NKAIN3: variants seen among roughly 807,000 people sequenced by gnomAD.
NKAIN3 encodes sodium/potassium-transporting ATPase subunit beta-1-interacting protein 3.
NKAIN3 carries 25 observed loss-of-function variants against 30.2 expected under a neutral mutation model. That is an observed-to-expected ratio of 0.83 (90% CI 0.60 to 1.16). NKAIN3 has a LOEUF of 1.16. Ranked by LOEUF, NKAIN3 falls within the 50% of genes most tolerant of loss-of-function variation. The pLI, the probability that NKAIN3 is intolerant of heterozygous loss-of-function variation, is 0.00. For synonymous variants in NKAIN3, 91 were observed against 89.6 expected (o/e 1.02, Z -0.09); for missense variants, 225 against 254.1 (o/e 0.89, Z 0.78).
At chr8:62,757,283 G>A (rs143575131) in intron 4 of NKAIN3, among the ~76,000 whole-genome samples, 4 of 152,206 alleles carry the variant, frequency 2.6e-5, no homozygotes, top group African/African-American at 9.6e-5. Flanking sequence ...TCATAATAAC[G>A]AGAGTTCATT....
At chr8:62,918,989 CA>C (rs553688723) in intron 5 of NKAIN3, among the ~76,000 whole-genome samples, 5,363 of 129,356 alleles carry the variant, frequency 0.041, 232 homozygotes, top group African/African-American at 0.11. Context: ...AGATGAGATG[CA>C]AAAAAAAAAA....
chr8:62,391,446 G>A (rs1817580800), intron 1 of NKAIN3, among the ~76,000 whole-genome samples: 2 of 152,036 alleles, frequency 1.3e-5, no homozygotes, highest in East Asian at 1.9e-4. Flanking sequence ...TACATAAAAC[G>A]ATGAGCATTT....
intron 1 of NKAIN3, among the ~76,000 whole-genome samples, chr8:62,334,309 T>G (rs1426375088): frequency 6.6e-6 from 1 of 152,094 alleles, no homozygotes. Flanking sequence ...AGGGAAAGAT[T>G]CCTTCTTTGT....
Position 62,928,954 on chromosome 8 carries a change from A to T in NKAIN3, c.532+10441A>T, listed in dbSNP as rs1822532618. On this transcript the variant is annotated intron_variant, in intron 5 of 6. Coordinates refer to ENST00000623646, the MANE Select transcript of NKAIN3 (RefSeq NM_001304533.3). ...GGAGTTCTCCTGTCATTCAAGGGAG[A>T]GTTAGGAGTCCAGCGTATCAAGCAT... Among the ~76,000 whole-genome samples, 7 of 152,128 alleles carry T rather than the reference A, an allele frequency of 4.6e-5. No homozygotes were observed. In the South Asian group the frequency reaches 1.4e-3, roughly 32 times the overall value.
chr8:62,552,829 C>T (rs190261047), intron 1 of NKAIN3, among the ~76,000 whole-genome samples: 1 of 152,272 alleles, frequency 6.6e-6, no homozygotes, highest in African/African-American at 2.4e-5. Context: ...GAAGGTGATT[C>T]TGAAAGCAGA....
chr8:62,741,970 C>T (rs1815914031), intron 3 of NKAIN3, among the ~76,000 whole-genome samples: 1 of 152,142 alleles, frequency 6.6e-6, no homozygotes. Flanking sequence ...TTGCCCTCTT[C>T]TTCCTTATTC....
At chr8:62,788,524 G>A (rs959818715) in intron 4 of NKAIN3, among the ~76,000 whole-genome samples, 2 of 152,096 alleles carry the variant, frequency 1.3e-5, no homozygotes, top group African/African-American at 2.4e-5. Flanking sequence ...GCTGTGCAGA[G>A]GCCGTTTAGT....
chr8:62,796,520 C>T (rs1563565641), intron 4 of NKAIN3, among the ~76,000 whole-genome samples: 2 of 151,028 alleles, frequency 1.3e-5, no homozygotes, highest in African/African-American at 2.4e-5. Flanking sequence ...GCTCGACATT[C>T]ATCTAATTGC....
chr8:62,662,975 A>G (rs1224725364), intron 3 of NKAIN3, among the ~76,000 whole-genome samples: 2 of 152,234 alleles, frequency 1.3e-5, no homozygotes, highest in Non-Finnish European at 2.9e-5. Context: ...ATTTGCAGAG[A>G]ATACAGAATT....
chr8:62,324,545 T>C (rs748261647), intron 1 of NKAIN3, among the ~76,000 whole-genome samples: 3 of 152,144 alleles, frequency 2.0e-5, no homozygotes, highest in South Asian at 2.1e-4. Flanking sequence ...TAGAAATGGG[T>C]TGTTTTATCA....
At chr8:62,647,578 A>AC (rs1812506215) in intron 3 of NKAIN3, among the ~76,000 whole-genome samples, 1 of 152,176 alleles carries the variant, frequency 6.6e-6, no homozygotes, top group Non-Finnish European at 1.5e-5. Flanking sequence ...AGGAATATCC[A>AC]CGGGGAAACC....
intron 4 of NKAIN3, among the ~76,000 whole-genome samples, chr8:62,757,741 G>A (rs1204249447): frequency 6.6e-6 from 1 of 152,176 alleles, no homozygotes; most frequent in African/African-American, 2.4e-5. Context: ...GAAGTCAGAG[G>A]AATAATGAGT....
chr8:62,612,129 A>G (rs931304353), intron 3 of NKAIN3, among the ~76,000 whole-genome samples: 1 of 151,872 alleles, frequency 6.6e-6, no homozygotes, highest in Non-Finnish European at 1.5e-5. Context: ...CTATTTTTTG[A>G]TCAGATTATT....
intron 1 of NKAIN3, among the ~76,000 whole-genome samples, chr8:62,394,478 TA>T (rs1348444258): frequency 2.8e-5 from 2 of 72,558 alleles, no homozygotes; most frequent in African/African-American, 8.9e-5. Context: ...CTGTAATTGC[TA>T]TTTTTTTTTT....
intron 1 of NKAIN3, among the ~76,000 whole-genome samples, chr8:62,534,569 C>T (rs988215703): frequency 3.9e-5 from 6 of 152,144 alleles, no homozygotes; most frequent in Non-Finnish European, 8.8e-5. Context: ...TTATTGAAAA[C>T]ATAACACAGC....
chr8:62,277,973 G>A (rs773012866), intron 1 of NKAIN3, among the ~76,000 whole-genome samples: 20 of 151,958 alleles, frequency 1.3e-4, no homozygotes, highest in Non-Finnish European at 2.4e-4. Flanking sequence ...GAGCCCAACC[G>A]GAGTACAGCA....
In NKAIN3 at chr8:62,896,847, C is replaced by T. The variant is rs558287227; in HGVS notation, c.472-21606C>T. On this transcript the variant is annotated intron_variant, in intron 4 of 6. Transcript: ENST00000623646. ...ATTTGACAAAATGTAGGCTATTTAC[C>T]TTTAAGAGAGCAATCTCAGCAGAAA... Among the ~76,000 whole-genome samples the T allele has an allele frequency of 3.9e-5, 6 of 152,228 alleles. No homozygotes were observed. The South Asian group carries it at 1.2e-3, about 32-fold the overall frequency.
intron 1 of NKAIN3, among the ~76,000 whole-genome samples, chr8:62,328,067 A>T (rs1251983700): frequency 6.6e-6 from 1 of 152,074 alleles, no homozygotes; most frequent in East Asian, 1.9e-4. Context: ...TTGCATACTG[A>T]TCCATATATT....
At chr8:62,870,966 A>C (rs1820624080) in intron 4 of NKAIN3, among the ~76,000 whole-genome samples, 1 of 152,054 alleles carries the variant, frequency 6.6e-6, no homozygotes, top group Non-Finnish European at 1.5e-5. Context: ...CAAAGATCAT[A>C]CTGGGAAAAC....
Sources: gnomAD v4.1 joint callset for allele counts (sites outside exome capture counted in the v4.1 genomes callset) on GRCh38, gnomAD v4.1.1 for gene constraint, MANE v1.5 for transcripts, NCBI Gene and HGNC (gene_info 2026-07-23, HGNC 2026-07-21) for gene names.